MYH16: variants seen among roughly 807,000 people sequenced by gnomAD.
MYH16 encodes myosin heavy chain 16, also known as putative uncharacterized protein MYH16.
intron 2 of MYH16, among the ~76,000 whole-genome samples, chr7:99,245,677 G>A (rs1232121311): frequency 2.0e-5 from 3 of 152,038 alleles, no homozygotes; most frequent in Non-Finnish European, 4.4e-5. Context: ...ACAAACTTGC[G>A]CTACCACGCC....
At chr7:99,256,474 A>G (rs1584343020) in intron 9 of MYH16, among the ~76,000 whole-genome samples, 1 of 150,910 alleles carries the variant, frequency 6.6e-6, no homozygotes, top group Non-Finnish European at 1.5e-5. Context: ...ATCTCAAAAA[A>G]AATAAAATAA....
At chr7:99,288,204 G>A in intron 29 of MYH16, 67 bp downstream of exon 10, 1 of 439,200 alleles carries the variant, frequency 2.3e-6, no homozygotes, top group Non-Finnish European at 4.6e-6. Context: ...TTGGGAGGCT[G>A]AGGCAGGAGG....
intron 2 of MYH16, among the ~76,000 whole-genome samples, chr7:99,243,878 C>CATCCATCCAAACATTT (rs1367508910): frequency 2.6e-5 from 4 of 151,578 alleles, no homozygotes; most frequent in African/African-American, 9.7e-5. Context: ...TCCAAACATT[C>CATCCATCCAAACATTT]ATCCATCCAA....
chr7:99,264,339 C>G (rs1791968325), intron 15 of MYH16: 1 of 152,674 alleles, frequency 6.5e-6, no homozygotes, highest in Non-Finnish European at 1.5e-5. Flanking sequence ...CCCTCCCTTT[C>G]AATGTTGGGT....
intron 23 of MYH16, among the ~76,000 whole-genome samples, chr7:99,281,773 C>G (rs1244640803): frequency 6.6e-6 from 1 of 152,180 alleles, no homozygotes; most frequent in Admixed American, 6.5e-5. Flanking sequence ...CCCACTGTCA[C>G]GGCTAAGGTT....
chr7:99,247,378 T>C (rs927880723), intron 2 of MYH16, among the ~76,000 whole-genome samples: 28 of 152,244 alleles, frequency 1.8e-4, no homozygotes, highest in Admixed American at 7.9e-4. Flanking sequence ...TTTCACCATG[T>C]TGGTCAGGCT....
At chr7:99,279,402 C>T in intron 21 of MYH16, 108 bp from the exon 4 acceptor site, 1 of 373,116 alleles carries the variant, frequency 2.7e-6, no homozygotes, top group Non-Finnish European at 5.2e-6. Context: ...ATAGCCCAGC[C>T]CCTTGTCCAA....
intron 33 of MYH16, among the ~76,000 whole-genome samples, chr7:99,294,446 C>T (rs1382228049): frequency 7.8e-6 from 1 of 128,120 alleles, no homozygotes; most frequent in Non-Finnish European, 1.5e-5. Flanking sequence ...GCAGGAGGAC[C>T]ACTTTAGCCA....
chr7:99,250,041 T>C (rs1791791931), exon 5 of MYH16: 1 of 152,786 alleles, frequency 6.5e-6, no homozygotes, highest in Non-Finnish European at 1.5e-5. Context: ...TTTGCCAACA[T>C]TGGAGGAACT....
Position 99,286,824 on chromosome 7 carries a change from T to A in MYH16, n.3460+300T>A, listed in dbSNP as rs144711847. On this transcript the variant is annotated intron_variant and non_coding_transcript_variant, in intron 28 of 41. Coordinates refer to ENST00000439784, the Ensembl canonical transcript of MYH16. ...AAAAAATTAGCTGGGCATGGTGGCA[T>A]GTTCCTGTAGTTCAAGCTACTCAAG... is the stretch of plus-strand genomic sequence containing the variant. Among the ~76,000 whole-genome samples, 211 of 150,952 alleles carry A rather than the reference T, an allele frequency of 1.4e-3. 1 individual carries two copies. Among genetic ancestry groups the A allele is most frequent in the African/African-American group, 4.8e-3 (195 of 40,978 alleles).
At chr7:99,264,052 T>C (rs1227989875) in intron 14 of MYH16, among the ~76,000 whole-genome samples, 1 of 152,210 alleles carries the variant, frequency 6.6e-6, no homozygotes, top group African/African-American at 2.4e-5. Flanking sequence ...GCAACTCTTT[T>C]GAGAATTACG....
intron 2 of MYH16, among the ~76,000 whole-genome samples, chr7:99,247,258 T>G (rs1791744267): frequency 1.3e-5 from 2 of 152,158 alleles, no homozygotes; most frequent in Non-Finnish European, 2.9e-5. Flanking sequence ...CTGCAACCTC[T>G]GCCTTCCAGG....
intron 41 of MYH16, 56 bp downstream of exon 22, chr7:99,306,092 G>A (rs559551478): frequency 1.3e-5 from 2 of 152,704 alleles, no homozygotes; most frequent in African/African-American, 2.4e-5. Context: ...TTCTCAGTGC[G>A]GGTCGCCAGC....
At chr7:99,292,264 C>A in intron 31 of MYH16, 48 bp from the exon 13 acceptor site, 1 of 442,102 alleles carries the variant, frequency 2.3e-6, no homozygotes, top group Non-Finnish European at 4.6e-6. Flanking sequence ...GGTGGCCCTG[C>A]GGGCTGTGGA....
intron 23 of MYH16, 78 bp from the exon 6 acceptor site, chr7:99,283,487 A>C (rs992860558): frequency 2.2e-6 from 1 of 446,828 alleles, no homozygotes; most frequent in Middle Eastern, 7.1e-4. Context: ...ATAGCTCAGA[A>C]GCGACGACTG....
At chr7:99,306,059 ACTC>A (rs1420406734) in intron 41 of MYH16, 23 bp downstream of exon 22, 1 of 152,224 alleles carries the variant, frequency 6.6e-6, no homozygotes, top group African/African-American at 2.4e-5. Flanking sequence ...GCGCCTCCCC[ACTC>A]CTCCTTCCCT....
chr7:99,274,645 C>T (rs943472838), intron 20 of MYH16, among the ~76,000 whole-genome samples: 4 of 151,024 alleles, frequency 2.6e-5, no homozygotes, highest in Non-Finnish European at 5.9e-5. Context: ...TGTTCCATGA[C>T]TCACCTTTCT....
intron 25 of MYH16, 80 bp from the exon 8 acceptor site, chr7:99,284,765 C>A (rs1173721328): frequency 2.2e-6 from 1 of 446,114 alleles, no homozygotes; most frequent in Non-Finnish European, 4.5e-6. Flanking sequence ...CCTCCTCTGG[C>A]AGCCCAGGCG....
chr7:99,293,469 C>T (rs150352737), intron 32 of MYH16, among the ~76,000 whole-genome samples: 1,613 of 152,318 alleles, frequency 0.011, 12 homozygotes, highest in Middle Eastern at 0.031. Flanking sequence ...ACCTGGTCCT[C>T]CCCCAAGGCT....
Sources: allele counts gnomAD v4.1 joint callset (sites outside exome capture counted in the v4.1 genomes callset), GRCh38; gene constraint gnomAD v4.1.1; transcripts MANE v1.5; gene names NCBI Gene and HGNC (gene_info 2026-07-23, HGNC 2026-07-21).